The following CNST variants were observed in gnomAD, a reference collection of about 807,000 sequenced individuals.
The protein encoded by CNST is consortin.
A neutral mutation model predicts 72.4 loss-of-function variants in CNST; 39 were observed. That is an observed-to-expected ratio of 0.54 (90% CI 0.42 to 0.70). CNST has a LOEUF of 0.70. Among genes scored for constraint, CNST ranks in the 30% least tolerant of loss-of-function variants. CNST has a pLI of 0.00. For synonymous variants in CNST, 332 were observed against 320.1 expected, an observed-to-expected ratio of 1.04 and a Z score of -0.40; for missense variants, 871 against 868.5, an observed-to-expected ratio of 1.00 and a Z score of -0.04.
At chr1:246,586,478 A>G (rs1661209528) in intron 1 of CNST, among the ~76,000 whole-genome samples, 1 of 148,566 alleles carries the variant, frequency 6.7e-6, no homozygotes, top group South Asian at 2.1e-4. Flanking sequence ...TATCTTAGCT[A>G]TATCTGAGAT....
chr1:246,607,505 G>A (rs1662952925), intron 2 of CNST: 3 of 153,226 alleles, frequency 2.0e-5, no homozygotes, highest in African/African-American at 7.2e-5. Context: ...GCAGTGTGGA[G>A]CCTCACGCTG....
chr1:246,568,790 T>C (rs1659880892), intron 1 of CNST, among the ~76,000 whole-genome samples: 1 of 152,226 alleles, frequency 6.6e-6, no homozygotes, highest in South Asian at 2.1e-4. Flanking sequence ...TTGGCCAGGG[T>C]GGTCTTGACC....
At chr1:246,569,932 TTTA>T in intron 1 of CNST, 1 of 983,530 alleles carries the variant, frequency 1.0e-6, no homozygotes. Context: ...AAGATTGAAC[TTTA>T]TTGTGAACAG....
chr1:246,605,977 C>T (rs1662762205), intron 2 of CNST: 2 of 152,156 alleles, frequency 1.3e-5, no homozygotes, highest in Admixed American at 6.5e-5. Flanking sequence ...GCTTTCGGCC[C>T]CGGGGAGAAT....
chr1:246,605,669 CGTGTCTTCCGGCCGGGGTAG>C lies in CNST; in HGVS notation c.379+13787_379+13806del, dbSNP rs1160777693. ...TGGTGGGTGTCTTCCGGCCGGGGTG[CGTGTCTTCCGGCCGGGGTAG>C]GTGTCTTCCGGCCGGGGTAGGTGTC... On this transcript the variant is annotated intron_variant, in intron 2 of 10. Transcript: ENST00000366513. Among the ~76,000 whole-genome samples the C allele has an allele frequency of 9.9e-4, 131 of 131,738 alleles. 11 individuals are homozygous for C. The highest frequency in any genetic ancestry group is 1.3e-3 in the African/African-American group (44 of 33,900). The allele number at this position is 131,738 out of a possible 152,430, so 86.4% of individuals were successfully genotyped here.
intron 2 of CNST, among the ~76,000 whole-genome samples, chr1:246,609,425 A>C (rs2103057017): frequency 6.6e-6 from 1 of 152,244 alleles, no homozygotes; most frequent in South Asian, 2.1e-4. Context: ...AAACTACAAA[A>C]AATTATATGG....
intron 2 of CNST, among the ~76,000 whole-genome samples, chr1:246,604,291 G>A (rs1425948910): frequency 6.6e-6 from 1 of 152,096 alleles, no homozygotes; most frequent in Non-Finnish European, 1.5e-5. Context: ...GTGATAGTTG[G>A]TTTGATGATA....
chr1:246,631,851 A>C (rs1323411945), intron 3 of CNST, 43 bp from the exon 4 acceptor site: 2 of 1,157,332 alleles, frequency 1.7e-6, no homozygotes, highest in Non-Finnish European at 2.6e-6. Context: ...TTCTCATCCA[A>C]GTGTTAATTT....
chr1:246,574,153 C>T (rs1265849565), intron 1 of CNST, among the ~76,000 whole-genome samples: 4 of 152,148 alleles, frequency 2.6e-5, no homozygotes, highest in Non-Finnish European at 5.9e-5. Context: ...GCCATTCTCC[C>T]GCCTCAGCCT....
At chr1:246,609,295 G>T (rs1245688220) in intron 2 of CNST, among the ~76,000 whole-genome samples, 4 of 152,216 alleles carry the variant, frequency 2.6e-5, no homozygotes, top group Non-Finnish European at 5.9e-5. Context: ...GTGAGCACTG[G>T]CCAGGCACGG....
At chr1:246,582,356 CTTTT>C (rs35015648) in intron 1 of CNST, among the ~76,000 whole-genome samples, 1 of 144,610 alleles carries the variant, frequency 6.9e-6, no homozygotes, top group Non-Finnish European at 1.5e-5. Flanking sequence ...CACCTCCATG[CTTTT>C]TTTTTTTTTT....
chr1:246,631,808 A>G (rs1204523821), intron 3 of CNST, 86 bp from the exon 4 acceptor site: 1 of 870,574 alleles, frequency 1.1e-6, no homozygotes, highest in Non-Finnish European at 1.9e-6. Context: ...AAACATTTGG[A>G]ATTTCAAGAT....
intron 9 of CNST, among the ~76,000 whole-genome samples, chr1:246,659,487 C>T (rs1572255839): frequency 6.6e-6 from 1 of 151,918 alleles, no homozygotes; most frequent in African/African-American, 2.4e-5. Flanking sequence ...CCCAGCTACC[C>T]CGGAGGCTGA....
chr1:246,598,095 CCTCA>C (rs1662005141), intron 2 of CNST, among the ~76,000 whole-genome samples: 1 of 152,034 alleles, frequency 6.6e-6, no homozygotes, highest in Non-Finnish European at 1.5e-5. Context: ...GATTCTCTCA[CCTCA>C]GCCTCCCAAG....
At chr1:246,570,610 AAGAC>A (rs1396398146) in intron 1 of CNST, among the ~76,000 whole-genome samples, 1 of 152,208 alleles carries the variant, frequency 6.6e-6, no homozygotes. Flanking sequence ...TAGAGGATCA[AAGAC>A]AGAATTGGGG....
At chr1:246,578,750 TCTC>T (rs1224584630) in intron 1 of CNST, among the ~76,000 whole-genome samples, 1 of 152,144 alleles carries the variant, frequency 6.6e-6, no homozygotes, top group Non-Finnish European at 1.5e-5. Context: ...TGTTCCTCCT[TCTC>T]CTCCTAACTT....
intron 9 of CNST, among the ~76,000 whole-genome samples, chr1:246,652,806 C>T (rs1666536927): frequency 6.6e-6 from 1 of 150,896 alleles, no homozygotes; most frequent in Non-Finnish European, 1.5e-5. Flanking sequence ...AGATCGAGAC[C>T]ATCCTGGCTA....
chr1:246,644,650 G>A (rs1665933352), intron 8 of CNST, among the ~76,000 whole-genome samples: 1 of 152,136 alleles, frequency 6.6e-6, no homozygotes, highest in Non-Finnish European at 1.5e-5. Flanking sequence ...CTAGATAACT[G>A]CAGCCTTTAG....
At chr1:246,574,539 C>T (rs1052310466) in intron 1 of CNST, among the ~76,000 whole-genome samples, 2 of 152,142 alleles carry the variant, frequency 1.3e-5, no homozygotes, top group African/African-American at 4.8e-5. Flanking sequence ...AATCCTCCCA[C>T]TTCAGCCTCC....
Sources: gnomAD v4.1 joint callset for allele counts (sites outside exome capture counted in the v4.1 genomes callset) on GRCh38, gnomAD v4.1.1 for gene constraint, MANE v1.5 for transcripts, NCBI Gene and HGNC (gene_info 2026-07-23, HGNC 2026-07-21) for gene names.